The following RYR3 variants were observed in gnomAD, a reference collection of about 807,000 sequenced individuals.
RYR3 encodes the protein brain ryanodine receptor-calcium release channel.
A neutral mutation model predicts 584.3 loss-of-function variants in RYR3; 207 were observed. That is an observed-to-expected ratio of 0.35 (90% CI 0.32 to 0.40). The LOEUF is 0.40. Ranked by LOEUF, RYR3 falls within the 10% of genes least tolerant of loss-of-function variation. RYR3 has a pLI of 1.00. For missense variants in RYR3, 5,616 were observed against 6,089.2 expected, an observed-to-expected ratio of 0.92 and a Z score of 2.59; for synonymous variants, 2,416 against 2,248.5, an observed-to-expected ratio of 1.07 and a Z score of -2.11.
chr15:33,831,139 T>A, intron 86 of RYR3, 48 bp downstream of exon 86: 1 of 1,561,800 alleles, frequency 6.4e-7, no homozygotes, highest in Non-Finnish European at 8.7e-7. Flanking sequence ...ACATTGTTGA[T>A]ATGCCTGTAT....
intron 94 of RYR3, chr15:33,849,957 T>C (rs2078984215): frequency 6.6e-6 from 1 of 152,260 alleles, no homozygotes; most frequent in South Asian, 2.1e-4. Flanking sequence ...TTCTGATGCT[T>C]TGTCATTACA....
At chr15:33,738,686 A>T (rs12907197) in intron 50 of RYR3, 96 bp downstream of exon 50, 1 of 1,401,802 alleles carries the variant, frequency 7.1e-7, no homozygotes, top group Non-Finnish European at 9.9e-7. Flanking sequence ...TCCATTTGCC[A>T]GGACCTGTGC....
At chr15:33,337,934 ATTTT>A (rs199625940) in intron 1 of RYR3, among the ~76,000 whole-genome samples, 13 of 113,598 alleles carry the variant, frequency 1.1e-4, no homozygotes, top group African/African-American at 4.3e-4. Flanking sequence ...ATTTTAGGAG[ATTTT>A]TTTTTTTTTT....
At chr15:33,460,962 T>TTTTTTTTTTTTTTTAA (rs1567286930) in intron 1 of RYR3, among the ~76,000 whole-genome samples, 1 of 141,244 alleles carries the variant, frequency 7.1e-6, no homozygotes, top group Non-Finnish European at 1.5e-5. Flanking sequence ...TTTTTTTTTT[T>TTTTTTTTTTTTTTTAA]AAGACGGAGT....
At chr15:33,832,655 T>TAAAAAA (rs2077760850) in intron 86 of RYR3, among the ~76,000 whole-genome samples, 1 of 80,020 alleles carries the variant, frequency 1.2e-5, no homozygotes, top group Admixed American at 1.3e-4. Flanking sequence ...AGACTCTGTC[T>TAAAAAA]CAAAAAAAAA....
At chr15:33,366,399 A>T (rs1186896592) in intron 1 of RYR3, among the ~76,000 whole-genome samples, 2 of 152,290 alleles carry the variant, frequency 1.3e-5, no homozygotes, top group Admixed American at 6.5e-5. Flanking sequence ...TAGTTAATAT[A>T]TTGAATGGCA....
At chr15:33,454,821 G>T (rs2047412057) in intron 1 of RYR3, among the ~76,000 whole-genome samples, 1 of 152,176 alleles carries the variant, frequency 6.6e-6, no homozygotes, top group Non-Finnish European at 1.5e-5. Flanking sequence ...TTGATCATTT[G>T]GGTCAGGGTT....
chr15:33,352,332 T>C (rs1232199711), intron 1 of RYR3, among the ~76,000 whole-genome samples: 2 of 152,152 alleles, frequency 1.3e-5, no homozygotes, highest in African/African-American at 4.8e-5. Flanking sequence ...TTAAATTTTA[T>C]GGCCATTTTC....
rs146658120 is a variant in RYR3, at chr15:33,482,564, C to T, written c.171+9026C>T. On this transcript the variant is annotated intron_variant, in intron 2 of 103. Coordinates refer to ENST00000634891, the MANE Select transcript of RYR3 (RefSeq NM_001036.6). ...TCTCCTGAGTAGCTGGGATTACAGG[C>T]GCAAGCCACCATGCCTGGCTAATTT... is the stretch of plus-strand genomic sequence containing the variant. Among the ~76,000 whole-genome samples, 37 of 152,194 alleles carry T rather than the reference C, an allele frequency of 2.4e-4. No individual in the cohort carries two copies. In the East Asian group the frequency reaches 5.2e-3, roughly 21 times the overall value.
chr15:33,703,902 T>C (rs971293182), intron 42 of RYR3, among the ~76,000 whole-genome samples: 3 of 152,196 alleles, frequency 2.0e-5, no homozygotes, highest in Admixed American at 2.0e-4. Flanking sequence ...TTACTGGCCT[T>C]ATCAAATATG....
At chr15:33,646,623 G>A (rs1031623714) in intron 29 of RYR3, 97 bp downstream of exon 29, 4 of 1,095,386 alleles carry the variant, frequency 3.7e-6, no homozygotes, top group Non-Finnish European at 5.2e-6. Flanking sequence ...GAACTCCACT[G>A]ATAGGGTTCT....
At chr15:33,792,839 G>T (rs1051929634) in intron 67 of RYR3, among the ~76,000 whole-genome samples, 9 of 152,108 alleles carry the variant, frequency 5.9e-5, no homozygotes, top group Non-Finnish European at 1.0e-4. Context: ...CCAAATATGT[G>T]TCAGTTGTCC....
intron 2 of RYR3, among the ~76,000 whole-genome samples, chr15:33,486,092 C>T (rs1402148719): frequency 2.6e-5 from 4 of 151,992 alleles, no homozygotes; most frequent in East Asian, 1.9e-4. Context: ...TGACTTGGAG[C>T]GTGGAAGATC....
intron 43 of RYR3, among the ~76,000 whole-genome samples, chr15:33,710,312 G>C (rs2067010641): frequency 6.6e-6 from 1 of 150,376 alleles, no homozygotes; most frequent in African/African-American, 2.4e-5. Flanking sequence ...AAGAGAGAGA[G>C]AGTAGAGAGG....
intron 1 of RYR3, among the ~76,000 whole-genome samples, chr15:33,375,419 A>C (rs1047585834): frequency 6.6e-6 from 1 of 152,168 alleles, no homozygotes; most frequent in African/African-American, 2.4e-5. Context: ...AGATATGGGG[A>C]GGAAGTTGTC....
intron 10 of RYR3, among the ~76,000 whole-genome samples, chr15:33,561,747 A>G (rs1481229802): frequency 6.6e-6 from 1 of 151,878 alleles, no homozygotes; most frequent in Non-Finnish European, 1.5e-5. Context: ...AAAAATACAA[A>G]AGATTAGCCA....
chr15:33,723,117 G>A (rs1002831219), intron 44 of RYR3, among the ~76,000 whole-genome samples: 6 of 152,216 alleles, frequency 3.9e-5, no homozygotes, highest in East Asian at 1.9e-4. Context: ...TCTGCTCAGC[G>A]CAGCTGGAAA....
At position 33,699,838 on chromosome 15, in the gene RYR3, G is replaced by A. The variant is rs746067375; in HGVS notation, c.6379+5G>A. On this transcript the variant is annotated splice_donor_5th_base_variant and intron_variant, in intron 41 of 103. Transcript: ENST00000634891. ...AGAATAGCAGTGTTGGCCTAGGTGC[G>A]TAAGTCTTCTTGTAACTTCCACATC... 1.3e-5 allele frequency: 21 copies of A among 1,608,402 alleles called. No individual in the cohort carries two copies. Among genetic ancestry groups the A allele is most frequent in the East Asian group, 2.2e-5 (1 of 44,722 alleles).
intron 3 of RYR3, among the ~76,000 whole-genome samples, chr15:33,505,736 C>A (rs1205911178): frequency 6.6e-6 from 1 of 152,164 alleles, no homozygotes; most frequent in Non-Finnish European, 1.5e-5. Context: ...TCGTGATCTG[C>A]CCACCTTGGC....
Sources: gnomAD v4.1 joint callset for allele counts (sites outside exome capture counted in the v4.1 genomes callset) on GRCh38, gnomAD v4.1.1 for gene constraint, MANE v1.5 for transcripts, NCBI Gene and HGNC (gene_info 2026-07-23, HGNC 2026-07-21) for gene names.